Variants in PCDH11X observed in about 807,000 individuals in gnomAD.
PCDH11X encodes the protein protocadherin 11 X-linked, also known as protocadherin-11 X-linked.
Under a neutral mutation model 53.3 loss-of-function variants are expected in PCDH11X, and 18 were observed. That is an observed-to-expected ratio of 0.34 (90% confidence interval 0.23 to 0.50). The LOEUF is 0.50. Among genes scored for constraint, PCDH11X ranks in the 20% least tolerant of loss-of-function variants. The pLI, the probability that PCDH11X is intolerant of heterozygous loss-of-function variation, is 0.98. For missense variants in PCDH11X, 570 were observed against 1,032.4 expected (o/e 0.55, Z 6.14); for synonymous variants, 279 against 393.3 (o/e 0.71, Z 3.44).
intron 6 of PCDH11X, among the ~76,000 whole-genome samples, chrX:91,999,451 A>T (rs1465910316): frequency 9.0e-6 from 1 of 111,542 alleles, no homozygotes; most frequent in African/African-American, 3.3e-5. Flanking sequence ...TTTGGAAGAC[A>T]ACTATGTTTC....
intron 6 of PCDH11X, among the ~76,000 whole-genome samples, chrX:92,017,178 A>G (rs2062808958): frequency 9.3e-6 from 1 of 107,270 alleles, no homozygotes; most frequent in Admixed American, 1.0e-4. Context: ...ATAGCCAAAA[A>G]TAATTAAATT....
Position 91,876,905 on chromosome X carries a change from A to C in PCDH11X, c.665A>C (p.Glu222Ala). 1.7e-6 allele frequency: 2 copies of C among 1,211,254 alleles called. No homozygotes were observed. Among genetic ancestry groups the C allele is most frequent in the East Asian group, 5.9e-5 (2 of 33,823 alleles). The change falls in exon 6 of 11, where the codon GAA becomes GCA. Residue 222 changes from glutamate to alanine, a missense_variant. By Grantham distance (107) the Glu-to-Ala change is moderately radical. Around this residue, in one of 6 missense-constraint regions of PCDH11X, gnomAD observed 15 missense variants for 28.4 expected, o/e 0.53. Coordinates refer to ENST00000682573, the MANE Select transcript of PCDH11X (RefSeq NM_032968.5). ...KDTYVMKVKV[E>A]DGGFPQRSST... ...ACCTACGTGATGAAAGTAAAGGTTGAAGATGGTGGCTTTCCTCAAAGATCC... is the reference window on the plus strand; with the variant it reads ...ACCTACGTGATGAAAGTAAAGGTTGCAGATGGTGGCTTTCCTCAAAGATCC...
At chrX:92,436,558 A>G (rs1216454211) in intron 9 of PCDH11X, among the ~76,000 whole-genome samples, 2 of 111,750 alleles carry the variant, frequency 1.8e-5, no homozygotes, top group Non-Finnish European at 3.8e-5. Context: ...ACAATAGTAA[A>G]GACATGGAAT....
chrX:92,329,498 T>C lies in PCDH11X; in HGVS notation c.3145-58237T>C, dbSNP rs780017914. 3.5e-3 allele frequency among the ~76,000 whole-genome samples: 394 copies of C among 111,659 alleles called. 1 individual carries two copies. Among genetic ancestry groups the C allele is most frequent in the Non-Finnish European group, 5.3e-3 (279 of 52,934 alleles). ...TAGATCCACATTCAAAAGAAAGAAA[T>C]GAGTACATCAAAAAGATGTCTGTAC... On this transcript the variant is annotated intron_variant, in intron 8 of 10. Transcript: ENST00000682573.
At chrX:92,221,541 T>C (rs1459017433) in intron 7 of PCDH11X, among the ~76,000 whole-genome samples, 1 of 110,752 alleles carries the variant, frequency 9.0e-6, no homozygotes, top group Non-Finnish European at 1.9e-5. Flanking sequence ...TTCAAGTTTG[T>C]ATATCAGCTT....
chrX:91,794,890 T>G (rs889746117), intron 1 of PCDH11X, among the ~76,000 whole-genome samples: 2 of 110,666 alleles, frequency 1.8e-5, no homozygotes, highest in African/African-American at 6.6e-5. Context: ...TTCTGTGCTG[T>G]TCTCATGATA....
chrX:92,330,401 CTTAAAA>C (rs377551742), intron 8 of PCDH11X, among the ~76,000 whole-genome samples: 180 of 110,838 alleles, frequency 1.6e-3, no homozygotes, highest in African/African-American at 5.5e-3. Flanking sequence ...ATTTAGAATA[CTTAAAA>C]TTAAATTGAT....
At chrX:92,087,931 T>TTA (rs1012617186) in intron 6 of PCDH11X, among the ~76,000 whole-genome samples, 1 of 106,286 alleles carries the variant, frequency 9.4e-6, no homozygotes, top group Admixed American at 1.0e-4. Flanking sequence ...GATATATTGC[T>TTA]TATATATATA....
At chrX:91,821,071 T>C (rs1157150083) in intron 4 of PCDH11X, among the ~76,000 whole-genome samples, 1 of 105,614 alleles carries the variant, frequency 9.5e-6, no homozygotes, top group Non-Finnish European at 1.9e-5. Context: ...TTTTGGTTAC[T>C]GTAGCCTTGT....
intron 6 of PCDH11X, among the ~76,000 whole-genome samples, chrX:91,906,246 C>T (rs757721493): frequency 1.8e-5 from 2 of 111,685 alleles, no homozygotes; most frequent in African/African-American, 6.5e-5. Flanking sequence ...ATATTTGTTT[C>T]CTATGCTGCA....
At chrX:92,283,917 A>T (rs983064951) in intron 8 of PCDH11X, among the ~76,000 whole-genome samples, 4 of 111,763 alleles carry the variant, frequency 3.6e-5, no homozygotes, top group Non-Finnish European at 7.5e-5. Context: ...AACAATGTTC[A>T]TTAATGGACT....
At chrX:92,389,585 C>G (rs1031376270) in intron 9 of PCDH11X, among the ~76,000 whole-genome samples, 1 of 110,947 alleles carries the variant, frequency 9.0e-6, no homozygotes, top group Non-Finnish European at 1.9e-5. Context: ...GCACATCTCA[C>G]CCTGAAATAA....
intron 4 of PCDH11X, among the ~76,000 whole-genome samples, chrX:91,821,215 C>A (rs1357175914): frequency 9.1e-6 from 1 of 110,274 alleles, no homozygotes; most frequent in Non-Finnish European, 1.9e-5. Flanking sequence ...TGAAGAAAGG[C>A]ATTGGTAGCT....
chrX:92,471,077 T>C (rs747245536), intron 10 of PCDH11X, among the ~76,000 whole-genome samples: 1 of 103,058 alleles, frequency 9.7e-6, no homozygotes, highest in South Asian at 4.5e-4. Flanking sequence ...GGTCCTCAGC[T>C]ATTTTTCTGC....
rs745373805 is a variant in PCDH11X at position 92,308,974 on chromosome X, A to G, written c.3144+45831A>G. On this transcript the variant is annotated intron_variant, in intron 8 of 10. Coordinates refer to ENST00000682573, the MANE Select transcript of PCDH11X (RefSeq NM_032968.5). ...GATTCGAAAGGCTATTACTAAAAAA[A>G]GAAAAGGAAATACCAAGTGTTGGTG... 2.5e-3 allele frequency among the ~76,000 whole-genome samples: 275 copies of G among 111,248 alleles called. 3 individuals are homozygous for G. The highest frequency in any genetic ancestry group is 8.6e-3 in the African/African-American group (265 of 30,648).
chrX:91,945,269 A>G (rs1374503016), intron 6 of PCDH11X, among the ~76,000 whole-genome samples: 5 of 103,255 alleles, frequency 4.8e-5, no homozygotes, highest in African/African-American at 1.7e-4. Context: ...TTTCAACCTT[A>G]TCTCTAAAAT....
Position 91,878,542 on chromosome X carries a change from G to A in PCDH11X, c.2302G>A (p.Val768Ile). 1 of 1,211,270 alleles carries A rather than the reference G, an allele frequency of 8.3e-7. No homozygotes were observed. The highest frequency in any genetic ancestry group is 1.1e-6 in the Non-Finnish European group (1 of 895,363). The change falls in exon 6 of 11, where the codon GTC (valine) becomes ATC (isoleucine). Residue 768 changes from valine (V) to isoleucine (I), a missense_variant. Around this residue, in one of 6 missense-constraint regions of PCDH11X, gnomAD observed 226 missense variants for 457.5 expected, o/e 0.49. Transcript: ENST00000682573. ...QPDSLFSVVI[V>I]NLFVNESVTN... ...TGATTCTCTCTTCAGTGTTGTAATT[G>A]TCAATCTGTTCGTGAATGAGTCGGT...
At chrX:92,130,383 A>G (rs2064949885) in intron 6 of PCDH11X, among the ~76,000 whole-genome samples, 1 of 111,008 alleles carries the variant, frequency 9.0e-6, no homozygotes, top group African/African-American at 3.3e-5. Context: ...ACGGTGGCTC[A>G]TGCCTGTAAT....
chrX:92,324,307 G>T (rs1424273606), intron 8 of PCDH11X, among the ~76,000 whole-genome samples: 1 of 111,590 alleles, frequency 9.0e-6, no homozygotes, highest in Admixed American at 9.6e-5. Context: ...GTGTAAACCT[G>T]ACAACCTGTT....
Sources: gnomAD v4.1 joint callset for allele counts (sites outside exome capture counted in the v4.1 genomes callset) on GRCh38, gnomAD v4.1.1 for gene constraint, gnomAD v4.1.1 regional missense constraint, MANE v1.5 for transcripts, NCBI Gene and HGNC (gene_info 2026-07-23, HGNC 2026-07-21) for gene names.